The following NRXN3 variants were observed in gnomAD, a reference collection of about 807,000 sequenced individuals.
NRXN3 encodes the protein neurexin 3.
In NRXN3, 32 loss-of-function variants were observed where a neutral mutation model predicts 137.6. That is an observed-to-expected ratio of 0.23 (90% CI 0.18 to 0.31). NRXN3 has a LOEUF of 0.31. Among genes scored for constraint, NRXN3 ranks in the 10% least tolerant of loss-of-function variants. The probability of loss-of-function intolerance (pLI) is 1.00; values close to 1 mark genes in which losing one functional copy is unlikely to be tolerated. For missense variants in NRXN3, 1,574 were observed against 2,062.5 expected (o/e 0.76, Z 4.59); for synonymous variants, 798 against 784.5 (o/e 1.02, Z -0.29).
intron 4 of NRXN3, among the ~76,000 whole-genome samples, chr14:78,613,439 G>T (rs571580209): frequency 6.6e-6 from 1 of 152,054 alleles, no homozygotes; most frequent in African/African-American, 2.4e-5. Flanking sequence ...ATTATTCAAA[G>T]AAATGTAAGA....
At chr14:78,301,612 G>A (rs1401882343) in intron 4 of NRXN3, among the ~76,000 whole-genome samples, 1 of 152,138 alleles carries the variant, frequency 6.6e-6, no homozygotes, top group Admixed American at 6.5e-5. Context: ...TAATTCTCCA[G>A]CCCCTATCTC....
chr14:78,823,299 C>G (rs2098956497), intron 10 of NRXN3, among the ~76,000 whole-genome samples: 1 of 152,144 alleles, frequency 6.6e-6, no homozygotes, highest in African/African-American at 2.4e-5. Flanking sequence ...TCTTAGCCAA[C>G]AGGTTGTGGC....
intron 8 of NRXN3, among the ~76,000 whole-genome samples, chr14:78,767,699 T>G (rs1489333280): frequency 6.6e-6 from 1 of 152,138 alleles, no homozygotes; most frequent in African/African-American, 2.4e-5. Context: ...GGCTTTTATT[T>G]CCTGTGGGTT....
chr14:79,866,143 T>C lies in NRXN3; in HGVS notation c.*4179T>C, dbSNP rs2142004548. 6.6e-6 allele frequency: 1 copy of C among 152,374 alleles called. No individual in the cohort carries two copies. Among genetic ancestry groups the C allele is most frequent in the South Asian group, 2.1e-4 (1 of 4,830 alleles). The allele number at this position is 152,374 out of a possible 1,614,324, so 9.4% of individuals were successfully genotyped here. On this transcript the variant is annotated 3_prime_UTR_variant, in exon 21 of 21. Transcript: ENST00000335750. ...TAAATCTATACAGGTCCAGTCTCTC[T>C]TTGCTCATATTCAAATTGAAGTTTG...
chr14:79,606,968 A>G (rs992592326), intron 16 of NRXN3, among the ~76,000 whole-genome samples: 1 of 152,206 alleles, frequency 6.6e-6, no homozygotes, highest in Admixed American at 6.5e-5. Flanking sequence ...TTTGGCTGGC[A>G]AGTTTTGCTT....
chr14:78,191,321 G>A (rs1595759327), intron 1 of NRXN3, among the ~76,000 whole-genome samples: 1 of 152,270 alleles, frequency 6.6e-6, no homozygotes, highest in Middle Eastern at 3.4e-3. Flanking sequence ...ACAGAGCATG[G>A]TGGCTGAGAG....
intron 15 of NRXN3, among the ~76,000 whole-genome samples, chr14:79,191,258 C>T (rs919891519): frequency 6.6e-6 from 1 of 152,176 alleles, no homozygotes; most frequent in African/African-American, 2.4e-5. Context: ...CTCAAACAAA[C>T]TATGGAAGCA....
At chr14:78,813,660 T>C (rs2098921915) in intron 10 of NRXN3, among the ~76,000 whole-genome samples, 1 of 150,922 alleles carries the variant, frequency 6.6e-6, no homozygotes, top group Non-Finnish European at 1.5e-5. Context: ...ACATCAGCTA[T>C]TTTTTTTTCC....
chr14:79,664,285 G>A lies in NRXN3; in HGVS notation c.3616+336G>A, dbSNP rs2270446. ...ATCATCTCTATCATGAGCTAGTGTCGATAATCATAAGATGCTCCATTTGAG... is the reference window on the plus strand; with the variant it reads ...ATCATCTCTATCATGAGCTAGTGTCAATAATCATAAGATGCTCCATTTGAG... On this transcript the variant is annotated intron_variant, in intron 17 of 20. Coordinates refer to ENST00000335750, the MANE Select transcript of NRXN3 (RefSeq NM_001330195.2). Among the ~76,000 whole-genome samples, 3,270 of 152,148 alleles carry A rather than the reference G, an allele frequency of 0.021. 196 individuals are homozygous for A. In the East Asian group the frequency reaches 0.24, roughly 11 times the overall value.
chr14:79,679,746 G>C (rs1370518058), intron 17 of NRXN3, among the ~76,000 whole-genome samples: 1 of 152,124 alleles, frequency 6.6e-6, no homozygotes, highest in African/African-American at 2.4e-5. Flanking sequence ...CGGAATCTGG[G>C]TGCCAGATAA....
chr14:79,658,623 G>A (rs1414358761), intron 16 of NRXN3, among the ~76,000 whole-genome samples: 1 of 152,144 alleles, frequency 6.6e-6, no homozygotes, highest in African/African-American at 2.4e-5. Context: ...CTATAATGGA[G>A]GAGAACTAGG....
chr14:78,815,391 G>A (rs2098928793), intron 10 of NRXN3, among the ~76,000 whole-genome samples: 1 of 150,886 alleles, frequency 6.6e-6, no homozygotes, highest in Non-Finnish European at 1.5e-5. Flanking sequence ...AACATCACAA[G>A]GATATGATAT....
intron 15 of NRXN3, among the ~76,000 whole-genome samples, chr14:79,227,945 T>G (rs370091623): frequency 2.3e-4 from 35 of 151,652 alleles, no homozygotes; most frequent in Middle Eastern, 6.8e-3. Context: ...AAGATGCCAG[T>G]GACATCTTTC....
intron 15 of NRXN3, among the ~76,000 whole-genome samples, chr14:79,417,032 G>A (rs1226860314): frequency 6.6e-6 from 1 of 152,074 alleles, no homozygotes; most frequent in Non-Finnish European, 1.5e-5. Context: ...ACATAGCCTT[G>A]GAGTGAGAAA....
At chr14:79,634,119 G>T (rs1426708050) in intron 16 of NRXN3, among the ~76,000 whole-genome samples, 1 of 152,208 alleles carries the variant, frequency 6.6e-6, no homozygotes, top group Non-Finnish European at 1.5e-5. Context: ...TACGGAAACA[G>T]CTGTGATTGG....
intron 10 of NRXN3, among the ~76,000 whole-genome samples, chr14:78,944,517 A>G (rs2099361461): frequency 6.6e-6 from 1 of 152,198 alleles, no homozygotes; most frequent in African/African-American, 2.4e-5. Context: ...AGTTAAGATG[A>G]GGTCACACTG....
intron 15 of NRXN3, among the ~76,000 whole-genome samples, chr14:79,032,441 A>G (rs1308490085): frequency 6.6e-6 from 1 of 152,174 alleles, no homozygotes; most frequent in African/African-American, 2.4e-5. Flanking sequence ...TCAGCTAACA[A>G]TGTTTCTACC....
chr14:78,366,800 C>T (rs748896550), intron 4 of NRXN3, among the ~76,000 whole-genome samples: 1 of 152,238 alleles, frequency 6.6e-6, no homozygotes, highest in Non-Finnish European at 1.5e-5. Context: ...GGGTTCCTCC[C>T]ATAACAGGTG....
At chr14:78,784,374 T>G (rs1044782036) in intron 8 of NRXN3, among the ~76,000 whole-genome samples, 9 of 152,182 alleles carry the variant, frequency 5.9e-5, no homozygotes, top group African/African-American at 2.2e-4. Context: ...TGGGCTGTAA[T>G]GGACAAGGAG....
Sources: gnomAD v4.1 joint callset for allele counts (sites outside exome capture counted in the v4.1 genomes callset) on GRCh38, gnomAD v4.1.1 for gene constraint, MANE v1.5 for transcripts, NCBI Gene and HGNC (gene_info 2026-07-23, HGNC 2026-07-21) for gene names.